Variants in ABLIM3 observed in about 807,000 individuals in gnomAD.
ABLIM3 encodes the protein actin binding LIM protein family member 3, also known as actin-binding LIM protein 3.
A neutral mutation model predicts 109.5 loss-of-function variants in ABLIM3; 61 were observed. That is an observed-to-expected ratio of 0.56 (90% CI 0.45 to 0.69). The LOEUF is 0.69. ABLIM3 is among the 30% of genes least tolerant of loss of function. ABLIM3 has a pLI of 0.00. For synonymous variants in ABLIM3, 300 were observed against 324.8 expected (o/e 0.92, Z 0.82); for missense variants, 796 against 889.5 (o/e 0.89, Z 1.34).
intron 2 of ABLIM3, among the ~76,000 whole-genome samples, chr5:149,172,551 A>G (rs917507893): frequency 2.0e-5 from 3 of 152,144 alleles, no homozygotes; most frequent in African/African-American, 7.2e-5. Context: ...TGAGCATGTG[A>G]CTTCCCTCAG....
intron 2 of ABLIM3, among the ~76,000 whole-genome samples, chr5:149,165,060 T>G (rs1754702691): frequency 6.6e-6 from 1 of 152,228 alleles, no homozygotes. Flanking sequence ...GAACATAGCT[T>G]GAATTGAAAG....
intron 8 of ABLIM3, among the ~76,000 whole-genome samples, chr5:149,228,144 A>G (rs1761502836): frequency 6.6e-6 from 1 of 152,224 alleles, no homozygotes; most frequent in Non-Finnish European, 1.5e-5. Context: ...ACTTTTAGGG[A>G]CAAGGGCTTA....
At chr5:149,204,712 T>G (rs1431838220) in intron 5 of ABLIM3, among the ~76,000 whole-genome samples, 1 of 152,236 alleles carries the variant, frequency 6.6e-6, no homozygotes, top group East Asian at 1.9e-4. Flanking sequence ...TTAATTAACC[T>G]TCACACCAGT....
intron 2 of ABLIM3, among the ~76,000 whole-genome samples, chr5:149,146,052 G>A (rs189258907): frequency 2.0e-4 from 30 of 152,252 alleles, no homozygotes; most frequent in Middle Eastern, 3.4e-3. Flanking sequence ...AAAGTTCTGG[G>A]ATTATAGGCA....
rs751286875 is a variant in ABLIM3, at chr5:149,233,319, C to T, written c.888+19C>T. On this transcript the variant is annotated intron_variant, in intron 10 of 23. Transcript: ENST00000309868. ...CATCTGCGTATGTATCACTTTTCTA[C>T]CACCAAAGGGCCTTCTTTATTCCTG... is the stretch of plus-strand genomic sequence containing the variant. 1 of 1,612,030 alleles carries T rather than the reference C, an allele frequency of 6.2e-7. No individual in the cohort carries two copies. The highest frequency in any genetic ancestry group is 8.5e-7 in the Non-Finnish European group (1 of 1,178,142).
chr5:149,173,605 C>A (rs987878761), intron 2 of ABLIM3, among the ~76,000 whole-genome samples: 1 of 152,190 alleles, frequency 6.6e-6, no homozygotes, highest in Non-Finnish European at 1.5e-5. Flanking sequence ...CCAGGCCCTA[C>A]CCCACTTTAG....
Position 149,252,780 on chromosome 5 carries a change from G to A in ABLIM3, c.1881G>A (p.Leu627=), listed in dbSNP as rs1754058361. ...AGATCTACCCTTATGAACTGCTGCT[G>A]GTGACTACAAGAGGAAGAAACCGAC... ...EYKIYPYELL[L]VTTRGRNRLP... Residue 627 remains leucine, a synonymous_variant, in exon 23 of 24, where the codon CTG becomes CTA. Transcript: ENST00000309868. 1 of 1,613,358 alleles carries A rather than the reference G, an allele frequency of 6.2e-7. No individual in the cohort carries two copies. The highest frequency in any genetic ancestry group is 8.5e-7 in the Non-Finnish European group (1 of 1,179,492).
intron 23 of ABLIM3, among the ~76,000 whole-genome samples, chr5:149,254,244 C>T (rs1016399227): frequency 2.0e-5 from 3 of 152,078 alleles, no homozygotes; most frequent in African/African-American, 4.8e-5. Flanking sequence ...ACTAGTAATC[C>T]CTGTGCCCCA....
chr5:149,146,138 T>C (rs950920286), intron 2 of ABLIM3, among the ~76,000 whole-genome samples: 1 of 152,188 alleles, frequency 6.6e-6, no homozygotes, highest in Non-Finnish European at 1.5e-5. Flanking sequence ...CACTTTTTAA[T>C]GGTTTTTGGG....
At position 149,259,166 on chromosome 5, in the gene ABLIM3, G is replaced by A. The variant is rs945786714; in HGVS notation, c.*762G>A. On this transcript the variant is annotated 3_prime_UTR_variant, in exon 24 of 24. Transcript: ENST00000309868. ...GGAGAACCAGAGGAAAAGAGAGGGA[G>A]CGGAAGTGGGAGATGGAGCAGGGCA... 9.7e-7 allele frequency: 1 copy of A among 1,035,094 alleles called. No homozygotes were observed. Among genetic ancestry groups the A allele is most frequent in the Non-Finnish European group, 1.2e-6 (1 of 861,988 alleles). The allele number at this position is 1,035,094 out of a possible 1,614,324, so 64.1% of individuals were successfully genotyped here.
At chr5:149,228,728 A>G (rs1761552502) in intron 8 of ABLIM3, among the ~76,000 whole-genome samples, 1 of 151,990 alleles carries the variant, frequency 6.6e-6, no homozygotes, top group Non-Finnish European at 1.5e-5. Context: ...ACCAACTCCT[A>G]AATTCTGATT....
intron 8 of ABLIM3, among the ~76,000 whole-genome samples, chr5:149,229,685 CT>C (rs1261326571): frequency 6.6e-6 from 1 of 152,214 alleles, no homozygotes; most frequent in Non-Finnish European, 1.5e-5. Flanking sequence ...GGCTTCTTTC[CT>C]TTTAGGGCTG....
chr5:149,230,264 CAGA>C (rs1245467239), intron 8 of ABLIM3, among the ~76,000 whole-genome samples: 1 of 152,114 alleles, frequency 6.6e-6, no homozygotes, highest in Non-Finnish European at 1.5e-5. Context: ...AGCTCCCGCC[CAGA>C]AGAAGCTCTT....
chr5:149,181,338 T>A (rs535593680), intron 2 of ABLIM3, among the ~76,000 whole-genome samples: 18 of 152,206 alleles, frequency 1.2e-4, no homozygotes, highest in Admixed American at 5.9e-4. Context: ...GGGGATGTGA[T>A]GGCCATGATA....
At chr5:149,219,458 T>G (rs1437254783) in intron 8 of ABLIM3, 1 of 152,284 alleles carries the variant, frequency 6.6e-6, no homozygotes, top group African/African-American at 2.4e-5. Context: ...AGAGTCACTC[T>G]AAACTGTAAA....
intron 18 of ABLIM3, among the ~76,000 whole-genome samples, chr5:149,248,169 A>G (rs1753571339): frequency 6.6e-6 from 1 of 152,222 alleles, no homozygotes; most frequent in African/African-American, 2.4e-5. Flanking sequence ...ATTGGAATGT[A>G]GCCAGCCCCG....
intron 2 of ABLIM3, among the ~76,000 whole-genome samples, chr5:149,142,862 T>C (rs561006878): frequency 6.6e-6 from 1 of 152,284 alleles, no homozygotes; most frequent in East Asian, 1.9e-4. Flanking sequence ...AATGTAGCGC[T>C]GTGACCTGGG....
At chr5:149,244,561 T>C in intron 15 of ABLIM3, 1 of 358,468 alleles carries the variant, frequency 2.8e-6, no homozygotes, top group Non-Finnish European at 5.3e-6. Flanking sequence ...GAGGTCATTC[T>C]GGAACAGACC....
intron 8 of ABLIM3, chr5:149,217,938 G>C (rs1224783591): frequency 6.6e-6 from 1 of 152,280 alleles, no homozygotes; most frequent in Non-Finnish European, 1.5e-5. Flanking sequence ...CCCTGAAGGA[G>C]ATGGGCATTA....
Sources: allele counts gnomAD v4.1 joint callset (sites outside exome capture counted in the v4.1 genomes callset), GRCh38; gene constraint gnomAD v4.1.1; transcripts MANE v1.5; gene names NCBI Gene and HGNC (gene_info 2026-07-23, HGNC 2026-07-21).